Variants in NUP98 observed in about 807,000 individuals in gnomAD.
NUP98 encodes nucleoporin 98 and 96 precursor, also known as nuclear pore complex protein Nup98-Nup96.
Under a neutral mutation model 191.9 loss-of-function variants are expected in NUP98, and 26 were observed. The observed-to-expected ratio is 0.14, with a 90% CI of 0.10 to 0.19. The LOEUF (loss-of-function observed/expected upper bound fraction) is 0.19, where lower values mean the gene tolerates loss of function less well. NUP98 is among the 10% of genes least tolerant of loss of function. The pLI is 1.00. For synonymous variants in NUP98, 808 were observed against 778.4 expected (o/e 1.04, Z -0.63); for missense variants, 1,941 against 2,178.8 (o/e 0.89, Z 2.17).
intron 5 of NUP98, among the ~76,000 whole-genome samples, chr11:3,774,462 C>T (rs2081639933): frequency 6.6e-6 from 1 of 151,906 alleles, no homozygotes; most frequent in Non-Finnish European, 1.5e-5. Flanking sequence ...CAGTGGCTCA[C>T]ACCTGCAGTC....
intron 22 of NUP98, 104 bp downstream of exon 22, chr11:3,705,096 A>G (rs2078819654): frequency 2.9e-6 from 3 of 1,024,178 alleles, no homozygotes; most frequent in African/African-American, 1.6e-5. Flanking sequence ...GTTGTTTGGC[A>G]GATACTTGCT....
At position 3,729,846 on chromosome 11, in the gene NUP98, T is replaced by C. The variant is rs114679367; in HGVS notation, c.1730+1545A>G. Among the ~76,000 whole-genome samples the C allele has an allele frequency of 4.0e-3, 609 of 152,016 alleles. 2 individuals carry two copies. Among genetic ancestry groups the C allele is most frequent in the African/African-American group, 0.014 (570 of 41,456 alleles). On this transcript the variant is annotated intron_variant, in intron 14 of 32. Coordinates refer to ENST00000324932, the MANE Select transcript of NUP98 (RefSeq NM_016320.5). ...ACTCTAATCCTTTCTACTTGTATAT[T>C]TGAAAATCCTAAGCCCTGGTGAAGC...
At chr11:3,747,093 A>G (rs940379946) in intron 11 of NUP98, among the ~76,000 whole-genome samples, 2 of 152,126 alleles carry the variant, frequency 1.3e-5, no homozygotes, top group Non-Finnish European at 2.9e-5. Flanking sequence ...AATTTGAGAG[A>G]CATTCTGAGT....
Position 3,676,503 on chromosome 11 carries a change from G to A in NUP98, c.5185+6C>T. The A allele has an allele frequency of 6.2e-7, 1 of 1,611,268 alleles. No homozygotes were observed. On this transcript the variant is annotated splice_donor_region_variant and intron_variant, in intron 32 of 32. Coordinates refer to ENST00000324932, the MANE Select transcript of NUP98 (RefSeq NM_016320.5). ...GGCAGAAAGAGTGAGGAGGTTAGAGGCTTACCTGACTGAGCCAGGCGATCT... is the reference window on the plus strand; with the variant it reads ...GGCAGAAAGAGTGAGGAGGTTAGAGACTTACCTGACTGAGCCAGGCGATCT...
intron 1 of NUP98, among the ~76,000 whole-genome samples, chr11:3,795,480 A>G (rs2082497340): frequency 6.6e-6 from 1 of 152,118 alleles, no homozygotes; most frequent in Non-Finnish European, 1.5e-5. Context: ...CAGGGACCAA[A>G]GTATCACATA....
intron 7 of NUP98, among the ~76,000 whole-genome samples, chr11:3,770,501 A>G (rs2081492171): frequency 6.6e-6 from 1 of 151,854 alleles, no homozygotes; most frequent in Admixed American, 6.6e-5. Flanking sequence ...AAAGAAAAGA[A>G]AAGAAAAGAA....
chr11:3,761,413 G>T (rs1277769247), intron 9 of NUP98, among the ~76,000 whole-genome samples: 1 of 152,066 alleles, frequency 6.6e-6, no homozygotes, highest in East Asian at 1.9e-4. Flanking sequence ...GATCCTTGAG[G>T]CCAGGAGTTA....
chr11:3,700,051 T>C (rs2078627333), intron 24 of NUP98, among the ~76,000 whole-genome samples: 1 of 151,930 alleles, frequency 6.6e-6, no homozygotes, highest in Admixed American at 6.6e-5. Flanking sequence ...GAAGAATGGA[T>C]AGGATTTAGA....
chr11:3,729,620 G>C (rs1317102809), intron 14 of NUP98, among the ~76,000 whole-genome samples: 2 of 148,100 alleles, frequency 1.4e-5, no homozygotes, highest in East Asian at 3.9e-4. Flanking sequence ...GGGAACTGAG[G>C]TGGGAGGATC....
intron 12 of NUP98, among the ~76,000 whole-genome samples, chr11:3,735,748 A>AGTGTGTGTGTGT (rs71041385): frequency 7.2e-4 from 101 of 140,966 alleles, no homozygotes; most frequent in African/African-American, 2.3e-3. Context: ...CAGGGCAAGT[A>AGTGTGTGTGTGT]GTGTGTGTGT....
intron 14 of NUP98, among the ~76,000 whole-genome samples, chr11:3,728,690 G>A (rs1014204889): frequency 2.0e-5 from 3 of 152,110 alleles, no homozygotes; most frequent in African/African-American, 7.2e-5. Flanking sequence ...AGTGAGCCGA[G>A]ATGGGGCCAC....
intron 4 of NUP98, among the ~76,000 whole-genome samples, chr11:3,777,762 G>A (rs1311491641): frequency 6.6e-6 from 1 of 151,982 alleles, no homozygotes; most frequent in African/African-American, 2.4e-5. Flanking sequence ...CTGGCAAACT[G>A]CTATTACTTC....
intron 5 of NUP98, among the ~76,000 whole-genome samples, chr11:3,775,670 G>A (rs1213013460): frequency 6.6e-6 from 1 of 151,892 alleles, no homozygotes; most frequent in Non-Finnish European, 1.5e-5. Flanking sequence ...AATTTTATTG[G>A]GATGAGCCTA....
intron 7 of NUP98, among the ~76,000 whole-genome samples, chr11:3,768,985 G>T (rs145128140): frequency 6.4e-4 from 98 of 152,108 alleles, no homozygotes; most frequent in Non-Finnish European, 3.5e-4. Flanking sequence ...ATCTTCCCTT[G>T]TAAGTCCACA....
intron 13 of NUP98, 80 bp downstream of exon 13, chr11:3,735,111 T>C (rs983626302): frequency 3.0e-6 from 4 of 1,345,076 alleles, no homozygotes; most frequent in African/African-American, 1.5e-5. Flanking sequence ...CCTTAATATA[T>C]ACAGGCAAAA....
intron 16 of NUP98, among the ~76,000 whole-genome samples, chr11:3,722,824 C>T (rs1482358975): frequency 6.6e-6 from 1 of 152,012 alleles, no homozygotes; most frequent in Non-Finnish European, 1.5e-5. Flanking sequence ...AAAAAACAAA[C>T]AAACAAACAA....
intron 22 of NUP98, among the ~76,000 whole-genome samples, chr11:3,703,211 A>C (rs558639951): frequency 6.6e-6 from 1 of 151,826 alleles, no homozygotes; most frequent in Admixed American, 6.6e-5. Flanking sequence ...TTCACTCTTC[A>C]AAAACTTTTT....
intron 14 of NUP98, among the ~76,000 whole-genome samples, chr11:3,729,715 C>CAAAAAAAAAAAAAAAAAAAAAAAAAAAA (rs755816362): frequency 5.9e-4 from 22 of 37,406 alleles, no homozygotes; most frequent in East Asian, 1.6e-3. Context: ...ACTCTTGCCT[C>CAAAAAAAAAAAAAAAAAAAAAAAAAAAA]AAAAAAAAAA....
Position 3,712,739 on chromosome 11 carries a change from G to A in NUP98, c.2578-11C>T, listed in dbSNP as rs1460999039. On this transcript the variant is annotated splice_polypyrimidine_tract_variant and intron_variant, in intron 19 of 32. Transcript: ENST00000324932. Reference sequence around the variant, plus strand: ...AGAAAAATGGGAGACCTAAGGAAGAGAAGAACCCCACAAAACAACTTAAAC... The same window carrying A: ...AGAAAAATGGGAGACCTAAGGAAGAAAAGAACCCCACAAAACAACTTAAAC... 6.2e-7 allele frequency: 1 copy of A among 1,610,640 alleles called. No homozygotes were observed. Among genetic ancestry groups the A allele is most frequent in the East Asian group, 2.2e-5 (1 of 44,864 alleles).
Sources: allele counts gnomAD v4.1 joint callset (sites outside exome capture counted in the v4.1 genomes callset), GRCh38; gene constraint gnomAD v4.1.1; transcripts MANE v1.5; gene names NCBI Gene and HGNC (gene_info 2026-07-23, HGNC 2026-07-21).